ABCC10: variants seen among roughly 807,000 people sequenced by gnomAD.
The protein encoded by ABCC10 is ATP-binding cassette sub-family C member 10.
In ABCC10, 110 loss-of-function variants were observed where a neutral mutation model predicts 143.2. That is an observed-to-expected ratio of 0.77 (90% CI 0.66 to 0.90). ABCC10 has a LOEUF of 0.90. ABCC10 is among the 40% of genes least tolerant of loss of function. ABCC10 has a pLI of 0.00. For synonymous variants in ABCC10, 805 were observed against 846.7 expected (o/e 0.95, Z 0.85); for missense variants, 1,700 against 1,900.5 (o/e 0.89, Z 1.96).
At position 43,435,898 on chromosome 6, in the gene ABCC10, T is replaced by G. The variant is rs963848396; in HGVS notation, c.1756T>G (p.Tyr586Asp). Residue 586 changes from tyrosine (Y) to aspartate (D), a missense_variant, in exon 5 of 22, where the codon TAC becomes GAC. Physicochemically the swap from Tyr to Asp is radical, Grantham distance 160. Transcript: ENST00000372530. ...TCCAAACCACAACCCCCAGGCCTAC[T>G]ACAGCCCAGGTAATGGGAAGCTAGT... is the stretch of plus-strand genomic sequence containing the variant. Reference protein sequence around the residue: ...DLPNHNPQAYYSPDPPAEPST... With the variant: ...DLPNHNPQAYDSPDPPAEPST... 1.2e-6 allele frequency: 2 copies of G among 1,614,082 alleles called. No homozygotes were observed. The highest frequency in any genetic ancestry group is 1.7e-6 in the Non-Finnish European group (2 of 1,180,008).
intron 7 of ABCC10, 139 bp downstream of exon 7, chr6:43,438,152 A>T: frequency 9.4e-7 from 1 of 1,062,610 alleles, no homozygotes; most frequent in African/African-American, 1.6e-5. Context: ...AGAGTTTTCA[A>T]TCTGGAAAGA....
At chr6:43,440,495 G>A (rs1193235152) in intron 8 of ABCC10, among the ~76,000 whole-genome samples, 1 of 152,140 alleles carries the variant, frequency 6.6e-6, no homozygotes, top group Admixed American at 6.6e-5. Context: ...AGGCGTGGTG[G>A]CTCATGCCTG....
rs1780874490 is a variant in ABCC10 at position 43,429,375 on chromosome 6, T to TGTGG, written c.161+1239_161+1240insGGTG. ...TTTTCTTTCTTTCTTTTCTTTCTTG[T>TGTGG]GTGTGTGTGTGTGTGTGTGTGTGTG... On this transcript the variant is annotated intron_variant, in intron 2 of 21. Coordinates refer to ENST00000372530, the MANE Select transcript of ABCC10 (RefSeq NM_001198934.2). Among the ~76,000 whole-genome samples the TGTGG allele has an allele frequency of 5.6e-5, 2 of 35,638 alleles. 1 individual carries two copies. Among genetic ancestry groups the TGTGG allele is most frequent in the Non-Finnish European group, 1.2e-4 (2 of 17,282 alleles). The allele number at this position is 35,638 out of a possible 152,430, so 23.4% of individuals were successfully genotyped here. A position where few individuals can be genotyped will look rare whatever the true frequency, so the allele number is the denominator to read the frequency against.
rs1782640395 is a variant in ABCC10, at chr6:43,442,966, A to G, written c.2227-4A>G. On this transcript the variant is annotated splice_polypyrimidine_tract_variant and splice_region_variant and intron_variant, in intron 9 of 21. Transcript: ENST00000372530. ...GTGCCCACGGTACCCTCACGTCTCCATAGGAAAAGGAGCTCTATCTCCTCG... is the reference window on the plus strand; with the variant it reads ...GTGCCCACGGTACCCTCACGTCTCCGTAGGAAAAGGAGCTCTATCTCCTCG... 6 of 1,575,072 alleles carry G rather than the reference A, an allele frequency of 3.8e-6. No individual in the cohort carries two copies. In the South Asian group the frequency reaches 5.9e-5, roughly 15 times the overall value.
intron 16 of ABCC10, 151 bp from the exon 17 acceptor site, chr6:43,447,097 T>C: frequency 9.4e-7 from 1 of 1,059,588 alleles, no homozygotes; most frequent in Admixed American, 2.4e-5. Context: ...CCACCTGCCT[T>C]GGCCTCCCAA....
intron 9 of ABCC10, 71 bp downstream of exon 9, chr6:43,442,031 T>A: frequency 7.4e-7 from 1 of 1,345,546 alleles, no homozygotes; most frequent in Admixed American, 1.8e-5. Flanking sequence ...CTTGGCTGAG[T>A]TAGGAGGATA....
chr6:43,433,180 A>AG lies in ABCC10; in HGVS notation c.1201dup (p.Ala401GlyfsTer60). The AG allele has an allele frequency of 6.2e-7, 1 of 1,614,060 alleles. No homozygotes were observed. The highest frequency in any genetic ancestry group is 8.5e-7 in the Non-Finnish European group (1 of 1,179,946). On this transcript the variant is annotated frameshift_variant, in exon 3 of 22. Coordinates refer to ENST00000372530, the MANE Select transcript of ABCC10 (RefSeq NM_001198934.2). LOFTEE classifies it high-confidence loss of function. ...TTAACTTTGCTGGGAGCTTCCATGA[A>AG]GCCTGGGGCCTGCCCCTGCAACTGG... is the stretch of plus-strand genomic sequence containing the variant.
At chr6:43,447,474 T>A (rs1783228608) in intron 17 of ABCC10, 66 bp downstream of exon 17, 3 of 1,571,860 alleles carry the variant, frequency 1.9e-6, no homozygotes, top group Non-Finnish European at 1.7e-6. Flanking sequence ...TCCCTCACAA[T>A]TCCTTTCTTT....
At position 43,450,070 on chromosome 6, in the gene ABCC10, T is replaced by C. The variant is rs1402789464; in HGVS notation, c.4458T>C (p.Pro1486=). 2 of 1,606,078 alleles carry C rather than the reference T, an allele frequency of 1.2e-6. No individual in the cohort carries two copies. Among genetic ancestry groups the C allele is most frequent in the Non-Finnish European group, 1.7e-6 (2 of 1,175,664 alleles). ...TGCAGAGCAGCCAGCAGGGAGTCCC[T>C]GCCTCACTCGGAGGTCCCTGAGCCC... The part of the protein sequence containing the change: ...QLLQSSQQGV[P]ASLGGP Residue 1486 remains proline (P), a synonymous_variant, in exon 22 of 22, where the codon CCT becomes CCC. Transcript: ENST00000372530. This position sits in a 1 kb window ranked among gnomAD's most constrained non-coding sequence, Gnocchi z 4.5.
At position 43,448,865 on chromosome 6, in the gene ABCC10, T is replaced by C. The variant is rs781492530; in HGVS notation, c.3960-16T>C. On this transcript the variant is annotated splice_polypyrimidine_tract_variant and intron_variant, in intron 18 of 21. Transcript: ENST00000372530. ...CTACATCTCCAACCACTAGACTCCA[T>C]GTCATTGTCCCCCAGATCCCAGTTG... The C allele has an allele frequency of 8.7e-6, 14 of 1,601,186 alleles. No individual in the cohort carries two copies. In the East Asian group the frequency reaches 2.9e-4, roughly 33 times the overall value.
chr6:43,446,764 C>T, intron 16 of ABCC10: 1 of 1,213,322 alleles, frequency 8.2e-7, no homozygotes, highest in Non-Finnish European at 1.0e-6. Flanking sequence ...CTCCCAGCTT[C>T]TCCAGGCCCA....
downstream of ABCC10, chr6:43,450,903 G>C: frequency 6.2e-7 from 1 of 1,614,234 alleles, no homozygotes; most frequent in Non-Finnish European, 8.5e-7. This position sits in a 1 kb window ranked among gnomAD's most constrained non-coding sequence, Gnocchi z 4.5. Context: ...GGGCCCTAGA[G>C]GGGTGTCCAC....
rs200393514 is a variant in ABCC10, at chr6:43,447,811, T to C, written c.3833T>C (p.Ile1278Thr). The change falls in exon 18 of 22, where the codon ATC (isoleucine) becomes ACC (threonine). Residue 1278 changes from isoleucine to threonine, a missense_variant. By Grantham distance (89) the Ile-to-Thr change is moderately conservative. Coordinates refer to ENST00000372530, the MANE Select transcript of ABCC10 (RefSeq NM_001198934.2). ...GTGCAGCCTGGAGAGAAGTTGGGCATCGTGGGCCGCACAGGCTCCGGCAAG... is the reference window on the plus strand; with the variant it reads ...GTGCAGCCTGGAGAGAAGTTGGGCACCGTGGGCCGCACAGGCTCCGGCAAG... ...FCVQPGEKLGIVGRTGSGKSS... is the reference protein window; with the variant it reads ...FCVQPGEKLGTVGRTGSGKSS... The C allele has an allele frequency of 1.4e-4, 227 of 1,613,662 alleles. 1 individual carries two copies. The highest frequency in any genetic ancestry group is 2.6e-4 in the South Asian group (24 of 91,086).
intron 6 of ABCC10, among the ~76,000 whole-genome samples, chr6:43,436,912 G>A (rs1322127462): frequency 6.6e-6 from 1 of 152,166 alleles, no homozygotes; most frequent in East Asian, 1.9e-4. Flanking sequence ...GGCTAGATTT[G>A]TACAAAGGAA....
Position 43,432,250 on chromosome 6 carries a change from A to G in ABCC10, c.270A>G (p.Pro90=). The change falls in exon 3 of 22, where the codon CCA becomes CCG. Residue 90 remains proline (P), a synonymous_variant. Coordinates refer to ENST00000372530, the MANE Select transcript of ABCC10 (RefSeq NM_001198934.2). ...TAGACCTTCTTCCAGTTGCTTTGCC[A>G]CCAGGGGCAGGCCCAGGACCCATAG... ...PLLDLLPVAL[P]PGAGPGPIGL... is the part of the protein sequence containing the mutation. The G allele has an allele frequency of 6.2e-7, 1 of 1,614,138 alleles. No homozygotes were observed. The highest frequency in any genetic ancestry group is 1.1e-5 in the South Asian group (1 of 91,080).
rs1430690988 is a variant in ABCC10 at position 43,449,249 on chromosome 6, TG to T, written c.4203+50del. On this transcript the variant is annotated intron_variant, in intron 20 of 21. Coordinates refer to ENST00000372530, the MANE Select transcript of ABCC10 (RefSeq NM_001198934.2). The stretch of plus-strand genomic sequence containing the variant: ...CATTAGAGAGGGCCAGGAAGAAGGC[TG>T]GGGGCCGGGAGGTGGGGAGGTAGAG... 1.9e-6 allele frequency: 3 copies of T among 1,592,308 alleles called. No homozygotes were observed. In the South Asian group the frequency reaches 3.3e-5, roughly 18 times the overall value.
Position 43,446,367 on chromosome 6 carries a change from A to G in ABCC10, c.3465A>G (p.Leu1155=). 1.9e-6 allele frequency: 3 copies of G among 1,613,716 alleles called. No individual in the cohort carries two copies. The highest frequency in any genetic ancestry group is 1.3e-5 in the African/African-American group (1 of 75,008). Residue 1155 remains leucine, a synonymous_variant, in exon 16 of 22, where the codon CTA becomes CTG. Coordinates refer to ENST00000372530, the MANE Select transcript of ABCC10 (RefSeq NM_001198934.2). The stretch of plus-strand genomic sequence containing the variant: ...CAATGCAGTGGCTGGACATTCGGCT[A>G]CAGCTCATGGGGGCGGCAGTGGTCA... The part of the protein sequence containing the change: ...SATMQWLDIR[L]QLMGAAVVSA...
chr6:43,445,673 G>A lies in ABCC10; in HGVS notation c.3105G>A (p.Ala1035=), dbSNP rs372513808. The part of the protein sequence containing the change: ...LNRFSSDVAC[A]DDSLPFILNI... ...GCTTCTCCTCTGATGTGGCCTGTGC[G>A]GATGACAGCCTGCCCTTCATCCTCA... The change falls in exon 15 of 22, where the codon GCG becomes GCA. Residue 1035 remains alanine, a synonymous_variant. Transcript: ENST00000372530. 60 of 1,614,054 alleles carry A rather than the reference G, an allele frequency of 3.7e-5. No homozygotes were observed. Among genetic ancestry groups the A allele is most frequent in the Middle Eastern group, 3.3e-4 (2 of 6,084 alleles).
At chr6:43,438,090 CT>C in intron 7 of ABCC10, 77 bp downstream of exon 7, 1 of 1,469,276 alleles carries the variant, frequency 6.8e-7, no homozygotes, top group Non-Finnish European at 9.3e-7. Context: ...TGTTGGACAC[CT>C]TTTGGGGGTC....
Sources: allele counts gnomAD v4.1 joint callset (sites outside exome capture counted in the v4.1 genomes callset), GRCh38; gene constraint gnomAD v4.1.1; non-coding constraint Gnocchi (gnomAD v3.1); transcripts MANE v1.5; gene names NCBI Gene and HGNC (gene_info 2026-07-23, HGNC 2026-07-21).